The following DTNA variants were observed in gnomAD, a reference collection of about 807,000 sequenced individuals.
The protein encoded by DTNA is dystrophin-related protein 3.
In DTNA, 43 loss-of-function variants were observed where a neutral mutation model predicts 100.7. The ratio of observed to expected loss-of-function variants is 0.43; its 90% CI spans 0.33 to 0.55. The LOEUF (loss-of-function observed/expected upper bound fraction) is 0.55. Ranked by LOEUF, DTNA falls within the 20% of genes least tolerant of loss-of-function variation. DTNA has a pLI of 0.04. For missense variants in DTNA, 798 were observed against 953.9 expected (o/e 0.84, Z 2.15); for synonymous variants, 349 against 347.9 (o/e 1.00, Z -0.04).
At chr18:34,822,576 A>C (rs2095751379) in intron 9 of DTNA, 1 of 152,882 alleles carries the variant, frequency 6.5e-6, no homozygotes, top group Non-Finnish European at 1.5e-5. Flanking sequence ...AGTGAGTCCC[A>C]CTGGAGTATT....
intron 1 of DTNA, among the ~76,000 whole-genome samples, chr18:34,754,993 G>T (rs1243281845): frequency 4.6e-5 from 7 of 152,134 alleles, no homozygotes; most frequent in African/African-American, 1.7e-4. Flanking sequence ...GAAAGAGCAG[G>T]GGCCATAGCC....
chr18:34,656,372 T>C (rs963149502), intron 1 of DTNA, among the ~76,000 whole-genome samples: 1 of 152,204 alleles, frequency 6.6e-6, no homozygotes, highest in Non-Finnish European at 1.5e-5. Flanking sequence ...CACGTCTTGC[T>C]AGGAATTAGA....
chr18:34,699,330 G>C (rs2081051393), intron 1 of DTNA, among the ~76,000 whole-genome samples: 1 of 152,080 alleles, frequency 6.6e-6, no homozygotes, highest in Non-Finnish European at 1.5e-5. Context: ...CAGTGCCCCA[G>C]CTCAAAGACC....
At chr18:34,798,417 A>AG (rs1248790224) in intron 4 of DTNA, among the ~76,000 whole-genome samples, 1 of 151,904 alleles carries the variant, frequency 6.6e-6, no homozygotes, top group Non-Finnish European at 1.5e-5. Flanking sequence ...TCTGCTCCAC[A>AG]GAAAAAAAAA....
intron 1 of DTNA, among the ~76,000 whole-genome samples, chr18:34,641,893 T>C (rs1346873814): frequency 1.3e-5 from 2 of 152,186 alleles, no homozygotes; most frequent in Non-Finnish European, 2.9e-5. Flanking sequence ...CTGACTTTCA[T>C]GTATGCCAAG....
chr18:34,775,493 A>T (rs779432399), intron 3 of DTNA, among the ~76,000 whole-genome samples: 4 of 152,150 alleles, frequency 2.6e-5, no homozygotes, highest in Admixed American at 6.5e-5. Context: ...AAAAAAAATA[A>T]AAATAAATAA....
intron 1 of DTNA, among the ~76,000 whole-genome samples, chr18:34,617,481 A>G (rs1296875509): frequency 6.6e-6 from 1 of 152,084 alleles, no homozygotes; most frequent in Non-Finnish European, 1.5e-5. Context: ...AACCTACTTG[A>G]TTGTGGTGGA....
chr18:34,557,697 G>A (rs1248731187), intron 1 of DTNA, among the ~76,000 whole-genome samples: 1 of 151,672 alleles, frequency 6.6e-6, no homozygotes. Flanking sequence ...CAGGGGTCAG[G>A]GACCCACTTG....
At chr18:34,591,374 T>C (rs2049706312) in intron 1 of DTNA, among the ~76,000 whole-genome samples, 2 of 152,212 alleles carry the variant, frequency 1.3e-5, no homozygotes, top group Non-Finnish European at 2.9e-5. Flanking sequence ...CAAATAACCA[T>C]TTTCCATAGG....
intron 12 of DTNA, 55 bp from the exon 13 acceptor site, chr18:34,838,690 T>A: frequency 6.7e-7 from 1 of 1,493,032 alleles, no homozygotes; most frequent in South Asian, 1.1e-5. Context: ...CTCCTCTACT[T>A]ATTTCTGTCC....
chr18:34,596,617 T>C (rs1037024739), intron 1 of DTNA, among the ~76,000 whole-genome samples: 3 of 152,216 alleles, frequency 2.0e-5, no homozygotes, highest in Non-Finnish European at 2.9e-5. Flanking sequence ...CTCTCATTAC[T>C]GTTACCAGAA....
At chr18:34,866,499 C>T in intron 17 of DTNA, 1 of 1,165,618 alleles carries the variant, frequency 8.6e-7, no homozygotes, top group Non-Finnish European at 1.1e-6. Flanking sequence ...ACTAGAGATA[C>T]CCTGAGGTTC....
intron 1 of DTNA, among the ~76,000 whole-genome samples, chr18:34,545,245 C>G (rs1568624369): frequency 6.6e-6 from 1 of 152,020 alleles, no homozygotes; most frequent in South Asian, 2.1e-4. Context: ...TGCAGTCTGG[C>G]TAGCCAATGG....
chr18:34,672,003 A>C (rs530959733), intron 1 of DTNA, among the ~76,000 whole-genome samples: 26 of 152,196 alleles, frequency 1.7e-4, no homozygotes, highest in Non-Finnish European at 2.4e-4. Context: ...AACCTTTGAC[A>C]CATTTTTACT....
At chr18:34,744,350 T>C (rs1176030479) in intron 1 of DTNA, among the ~76,000 whole-genome samples, 1 of 152,172 alleles carries the variant, frequency 6.6e-6, no homozygotes, top group Non-Finnish European at 1.5e-5. Flanking sequence ...TACAGTGATA[T>C]AAAGCACCAT....
chr18:34,744,454 C>G (rs1278929003), intron 1 of DTNA, among the ~76,000 whole-genome samples: 3 of 151,162 alleles, frequency 2.0e-5, no homozygotes, highest in Non-Finnish European at 2.9e-5. Flanking sequence ...CTTTCTTGAC[C>G]AGGAAAAAAA....
chr18:34,768,663 G>A (rs547519715), intron 3 of DTNA, among the ~76,000 whole-genome samples: 21 of 152,264 alleles, frequency 1.4e-4, no homozygotes, highest in Non-Finnish European at 1.9e-4. Context: ...TCCATCCCTG[G>A]GTGAAAATAG....
intron 1 of DTNA, among the ~76,000 whole-genome samples, chr18:34,718,122 T>C (rs1178885620): frequency 6.6e-6 from 1 of 152,202 alleles, no homozygotes; most frequent in Non-Finnish European, 1.5e-5. Context: ...AGCAGGATTT[T>C]TGTGGCCAAG....
At chr18:34,555,310 T>A (rs1181942923) in intron 1 of DTNA, among the ~76,000 whole-genome samples, 1 of 149,032 alleles carries the variant, frequency 6.7e-6, no homozygotes, top group Non-Finnish European at 1.5e-5. Flanking sequence ...GTTTTGTTGA[T>A]CATTTCAAAA....
Sources: gnomAD v4.1 joint callset for allele counts (sites outside exome capture counted in the v4.1 genomes callset) on GRCh38, gnomAD v4.1.1 for gene constraint, MANE v1.5 for transcripts, NCBI Gene and HGNC (gene_info 2026-07-23, HGNC 2026-07-21) for gene names.